Variants in FAM227B observed in about 807,000 individuals in gnomAD.
The protein encoded by FAM227B is family with sequence similarity 227 member B.
FAM227B carries 88 observed loss-of-function variants against 73.8 expected under a neutral mutation model. That is an observed-to-expected ratio of 1.19 (90% CI 1.00 to 1.42). FAM227B has a LOEUF of 1.42. Among genes scored for constraint, FAM227B ranks in the 40% most tolerant of loss-of-function variants. FAM227B has a pLI of 0.00. For missense variants in FAM227B, 632 were observed against 590.9 expected, an observed-to-expected ratio of 1.07 and a Z score of -0.72; for synonymous variants, 210 against 190.5, an observed-to-expected ratio of 1.10 and a Z score of -0.84.
intron 13 of FAM227B, among the ~76,000 whole-genome samples, chr15:49,361,345 C>G (rs971228357): frequency 3.9e-5 from 6 of 152,076 alleles, no homozygotes; most frequent in Non-Finnish European, 7.4e-5. Context: ...TTTCACCACT[C>G]AGGTAATAAG....
In FAM227B at chr15:49,589,916, A is replaced by G; in HGVS notation, c.197T>C (p.Ile66Thr). The G allele has an allele frequency of 6.3e-7, 1 of 1,594,916 alleles. No individual in the cohort carries two copies. Among genetic ancestry groups the G allele is most frequent in the East Asian group, 2.2e-5 (1 of 44,722 alleles). The change falls in exon 4 of 16, where the codon ATT becomes ACT. Residue 66 changes from isoleucine (I) to threonine (T), a missense_variant. Transcript: ENST00000299338. ...KIKEDSSFVS[I>T]YTHLWENVPR... ...AACATTTTCCCATAGGTGTGTATAAATTGAAACAAATGAACTATCTTCTTT... is the reference window on the plus strand; with the variant it reads ...AACATTTTCCCATAGGTGTGTATAAGTTGAAACAAATGAACTATCTTCTTT...
At chr15:49,404,721 C>T (rs2048400748) in intron 11 of FAM227B, among the ~76,000 whole-genome samples, 2 of 151,986 alleles carry the variant, frequency 1.3e-5, no homozygotes, top group South Asian at 4.1e-4. Flanking sequence ...ATCCAGCTTG[C>T]CACTCTATGT....
intron 11 of FAM227B, among the ~76,000 whole-genome samples, chr15:49,433,108 G>A (rs2050761918): frequency 6.6e-6 from 1 of 150,954 alleles, no homozygotes; most frequent in Admixed American, 6.6e-5. Flanking sequence ...AACATAATCT[G>A]ATGAAAGGAC....
chr15:49,476,232 G>GTTTTTTTTTT lies in FAM227B; in HGVS notation c.1012+31969_1012+31978dup. Among the ~76,000 whole-genome samples the GTTTTTTTTTT allele has an allele frequency of 4.0e-3, 231 of 57,180 alleles. 19 individuals carry two copies. The highest frequency in any genetic ancestry group is 5.6e-3 in the Non-Finnish European group (154 of 27,298). The allele number at this position is 57,180 out of a possible 152,430, so 37.5% of individuals were successfully genotyped here. ...TTGCTGTTTTGTTTTTTTGTTTTTG[G>GTTTTTTTTTT]TTTTTTTTTTTTTGCATTTGGCATA... On this transcript the variant is annotated intron_variant, in intron 11 of 15. Transcript: ENST00000299338.
At chr15:49,516,641 G>A (rs942710986) in intron 10 of FAM227B, among the ~76,000 whole-genome samples, 1 of 151,824 alleles carries the variant, frequency 6.6e-6, no homozygotes, top group Non-Finnish European at 1.5e-5. Context: ...GTGGAATTCA[G>A]TCATAAAGGT....
intron 8 of FAM227B, among the ~76,000 whole-genome samples, chr15:49,572,075 G>C (rs889416246): frequency 1.3e-5 from 2 of 151,758 alleles, no homozygotes; most frequent in Admixed American, 1.3e-4. Context: ...CCTTGGTTAA[G>C]TTTAAATCTA....
chr15:49,389,708 A>G (rs376827198), intron 11 of FAM227B, among the ~76,000 whole-genome samples: 3 of 152,130 alleles, frequency 2.0e-5, no homozygotes, highest in African/African-American at 7.2e-5. Context: ...CAAACTCACT[A>G]TTAGTTCATA....
At chr15:49,357,507 C>G (rs368856496) in intron 13 of FAM227B, among the ~76,000 whole-genome samples, 4 of 151,908 alleles carry the variant, frequency 2.6e-5, no homozygotes, top group Admixed American at 2.6e-4. Flanking sequence ...ATAAATTCCT[C>G]GACACATACA....
At chr15:49,442,584 C>T (rs1186085899) in intron 11 of FAM227B, among the ~76,000 whole-genome samples, 1 of 151,694 alleles carries the variant, frequency 6.6e-6, no homozygotes, top group Non-Finnish European at 1.5e-5. Flanking sequence ...TTCCTTATCC[C>T]TCACTCCCAT....
intron 9 of FAM227B, among the ~76,000 whole-genome samples, chr15:49,563,236 A>G (rs781009813): frequency 1.3e-5 from 2 of 151,870 alleles, no homozygotes; most frequent in East Asian, 3.9e-4. Flanking sequence ...GAATGCAATC[A>G]TATTTACAGA....
intron 9 of FAM227B, among the ~76,000 whole-genome samples, chr15:49,548,251 C>G (rs12592876): frequency 6.6e-6 from 1 of 152,022 alleles, no homozygotes; most frequent in African/African-American, 2.4e-5. Context: ...TTATCAAATG[C>G]TTTTTTTCAG....
At chr15:49,550,391 CA>C (rs1430153006) in intron 9 of FAM227B, among the ~76,000 whole-genome samples, 2 of 151,656 alleles carry the variant, frequency 1.3e-5, no homozygotes, top group Non-Finnish European at 2.9e-5. Context: ...GGCTGACCCC[CA>C]CCTCCCTCCC....
intron 13 of FAM227B, among the ~76,000 whole-genome samples, chr15:49,364,258 T>C (rs1039364493): frequency 2.6e-5 from 4 of 152,158 alleles, no homozygotes; most frequent in South Asian, 2.1e-4. Context: ...TTTTTCTGGT[T>C]GGTAGGCTTT....
chr15:49,378,002 G>A (rs1274750879), intron 11 of FAM227B, among the ~76,000 whole-genome samples: 6 of 152,064 alleles, frequency 3.9e-5, no homozygotes, highest in Non-Finnish European at 7.4e-5. Flanking sequence ...AGTTTCAGAT[G>A]TAAGTCTTTA....
intron 8 of FAM227B, among the ~76,000 whole-genome samples, chr15:49,570,379 G>T (rs928346786): frequency 8.6e-5 from 13 of 151,754 alleles, no homozygotes; most frequent in African/African-American, 3.1e-4. Flanking sequence ...GGTGGTTTTG[G>T]TTTGTATTCC....
intron 3 of FAM227B, among the ~76,000 whole-genome samples, chr15:49,601,113 GCAACAGTAATTGCGGTTTTTGC>G (rs1204906580): frequency 6.7e-6 from 1 of 148,810 alleles, no homozygotes; most frequent in African/African-American, 2.5e-5. Context: ...TTAGGTTGGA[GCAACAGTAATTGCGGTTTTTGC>G]CATCACTTTT....
chr15:49,610,440 AAC>A (rs1367753432), intron 3 of FAM227B, among the ~76,000 whole-genome samples: 10 of 149,470 alleles, frequency 6.7e-5, no homozygotes, highest in African/African-American at 2.5e-4. Context: ...AAAAAAAAAA[AAC>A]TTGTCTAAAC....
chr15:49,603,682 A>C (rs2077343103), intron 3 of FAM227B, among the ~76,000 whole-genome samples: 1 of 152,144 alleles, frequency 6.6e-6, no homozygotes, highest in African/African-American at 2.4e-5. Context: ...GAATAATAGC[A>C]GTGAAAGTTA....
intron 11 of FAM227B, among the ~76,000 whole-genome samples, chr15:49,384,810 T>C (rs2046776938): frequency 6.6e-6 from 1 of 152,010 alleles, no homozygotes; most frequent in Non-Finnish European, 1.5e-5. Flanking sequence ...TTTCTCCTTA[T>C]CTTATTTTCT....
Sources: gnomAD v4.1 joint callset for allele counts (sites outside exome capture counted in the v4.1 genomes callset) on GRCh38, gnomAD v4.1.1 for gene constraint, MANE v1.5 for transcripts, NCBI Gene and HGNC (gene_info 2026-07-23, HGNC 2026-07-21) for gene names.